Variants in COL16A1 observed in about 807,000 individuals in gnomAD.
The protein encoded by COL16A1 is collagen alpha-1(XVI) chain.
Under a neutral mutation model 266.3 loss-of-function variants are expected in COL16A1, and 189 were observed. The observed-to-expected ratio is 0.71, with a 90% CI of 0.63 to 0.80. The LOEUF (loss-of-function observed/expected upper bound fraction) is 0.80, where lower values mean the gene tolerates loss of function less well. Ranked by LOEUF, COL16A1 falls within the 30% of genes least tolerant of loss-of-function variation. COL16A1 has a pLI of 0.00. For missense variants in COL16A1, 1,928 were observed against 2,122.4 expected (o/e 0.91, Z 1.80); for synonymous variants, 740 against 782.3 (o/e 0.95, Z 0.90).
At chr1:31,671,783 A>C in intron 47 of COL16A1, 124 bp from the exon 48 acceptor site, 1 of 1,119,890 alleles carries the variant, frequency 8.9e-7, no homozygotes, top group Non-Finnish European at 1.3e-6. Context: ...CTGTCCAAGC[A>C]GGACCACTTA....
In COL16A1 at chr1:31,698,325, G is replaced by C. The variant is rs1202197609; in HGVS notation, c.391-153C>G. Among the ~76,000 whole-genome samples the C allele has an allele frequency of 6.6e-6, 1 of 152,192 alleles. No homozygotes were observed. Among genetic ancestry groups the C allele is most frequent in the Non-Finnish European group, 1.5e-5 (1 of 68,020 alleles). On this transcript the variant is annotated intron_variant, in intron 5 of 70. Transcript: ENST00000373672. This position sits in a 1 kb window ranked among gnomAD's most constrained non-coding sequence, Gnocchi z 4.1. Reference sequence around the variant, plus strand: ...CTGGGGTCAAGGAGCTATACATCCTGAAAGAATGAGGTAGGTACTGGTGGG... The same window carrying C: ...CTGGGGTCAAGGAGCTATACATCCTCAAAGAATGAGGTAGGTACTGGTGGG...
rs764467913 is a variant in COL16A1 at position 31,696,988 on chromosome 1, C to T, written c.839G>A (p.Cys280Tyr). Residue 280 changes from cysteine to tyrosine, a missense_variant, in exon 8 of 71, where the codon TGC becomes TAC. Cys to Tyr is a radical substitution (Grantham distance 194). This residue lies in a region of COL16A1 where 1,552 missense variants were observed against 1,637.2 expected (regional missense o/e 0.95). Coordinates refer to ENST00000373672, the MANE Select transcript of COL16A1 (RefSeq NM_001856.4). ...CTCGCTGTTTTGAGGCTCCTCCAGGCAGAAGCAGCGGGTGTAGACCTTGCC... is the reference window on the plus strand; with the variant it reads ...CTCGCTGTTTTGAGGCTCCTCCAGGTAGAAGCAGCGGGTGTAGACCTTGCC... ...SEGKVYTRCF[C>Y]LEEPQNSEVD... 2 of 1,614,026 alleles carry T rather than the reference C, an allele frequency of 1.2e-6. No individual in the cohort carries two copies. Among genetic ancestry groups the T allele is most frequent in the African/African-American group, 2.7e-5 (2 of 74,954 alleles).
intron 62 of COL16A1, chr1:31,659,528 C>A: frequency 6.3e-6 from 1 of 159,086 alleles, no homozygotes; most frequent in South Asian, 1.8e-4. Context: ...ATGCCCTTCC[C>A]TAGCTCTGAT....
chr1:31,676,248 C>G (rs1643172942), intron 42 of COL16A1, among the ~76,000 whole-genome samples: 1 of 151,190 alleles, frequency 6.6e-6, no homozygotes, highest in Non-Finnish European at 1.5e-5. Context: ...TCACTTGAAC[C>G]TGGGAGATGG....
At chr1:31,673,262 C>G (rs181857052) in intron 44 of COL16A1, 215 of 281,284 alleles carry the variant, frequency 7.6e-4, no homozygotes, top group Non-Finnish European at 1.3e-3. Flanking sequence ...GCGGGAGGAG[C>G]CAGGCCCTTC....
At position 31,685,970 on chromosome 1, in the gene COL16A1, A is replaced by G; in HGVS notation, c.1884+121T>C. 4.7e-6 allele frequency: 7 copies of G among 1,505,350 alleles called. No homozygotes were observed. The highest frequency in any genetic ancestry group is 6.3e-6 in the Non-Finnish European group (7 of 1,109,040). 93.2% of individuals were successfully genotyped at this position (1,505,350 alleles called of 1,614,324 possible). On this transcript the variant is annotated intron_variant, in intron 28 of 70. Coordinates refer to ENST00000373672, the MANE Select transcript of COL16A1 (RefSeq NM_001856.4). The surrounding 1 kb of genome is among the most constrained non-coding windows in gnomAD (Gnocchi z 4.0). ...TCATCAGGGGTCTCCATGCCTTGCT[A>G]AGGAGTCAGACTCTGCCCGACAGAC...
Position 31,689,044 on chromosome 1 carries a change from C to T in COL16A1, c.1656+6G>A, listed in dbSNP as rs1644130568. 1.9e-6 allele frequency: 3 copies of T among 1,613,754 alleles called. No individual in the cohort carries two copies. The highest frequency in any genetic ancestry group is 1.7e-5 in the Admixed American group (1 of 59,998). On this transcript the variant is annotated splice_donor_region_variant and intron_variant, in intron 24 of 70. Transcript: ENST00000373672. Reference sequence around the variant, plus strand: ...GAGGGCAGCCAGGAGAGCAGGGTTCCCTCACCTTCTCTCCTTTGATGCCTT... The same window carrying T: ...GAGGGCAGCCAGGAGAGCAGGGTTCTCTCACCTTCTCTCCTTTGATGCCTT...
At position 31,664,959 on chromosome 1, in the gene COL16A1, G is replaced by A. The variant is rs1335573758; in HGVS notation, c.3555+213C>T. Among the ~76,000 whole-genome samples, 1 of 152,160 alleles carries A rather than the reference G, an allele frequency of 6.6e-6. No homozygotes were observed. Among genetic ancestry groups the A allele is most frequent in the African/African-American group, 2.4e-5 (1 of 41,440 alleles). The stretch of plus-strand genomic sequence containing the variant: ...TGCACAGAGGCCGCAGGCATCCTGG[G>A]CCAAGCAGACATCCCGAGGAGCCCA... On this transcript the variant is annotated intron_variant, in intron 56 of 70. Coordinates refer to ENST00000373672, the MANE Select transcript of COL16A1 (RefSeq NM_001856.4). The surrounding 1 kb of genome is among the most constrained non-coding windows in gnomAD (Gnocchi z 5.5).
intron 20 of COL16A1, among the ~76,000 whole-genome samples, chr1:31,690,933 T>C (rs547740049): frequency 2.6e-5 from 4 of 152,284 alleles, no homozygotes; most frequent in Non-Finnish European, 5.9e-5. Context: ...CTTTGATCTT[T>C]ACAACACTTA....
Position 31,652,577 on chromosome 1 carries a change from C to T in COL16A1, c.*74G>A, listed in dbSNP as rs1321980062. ...ACAACAACAAAAAAAACATTCACAA[C>T]CTGTCACAGAGTCCTATAAGCTTTG... is the stretch of plus-strand genomic sequence containing the variant. On this transcript the variant is annotated 3_prime_UTR_variant, in exon 71 of 71. Transcript: ENST00000373672. This position sits in a 1 kb window ranked among gnomAD's most constrained non-coding sequence, Gnocchi z 4.8. 6 of 1,361,274 alleles carry T rather than the reference C, an allele frequency of 4.4e-6. No individual in the cohort carries two copies. The highest frequency in any genetic ancestry group is 5.8e-6 in the Non-Finnish European group (6 of 1,039,768). 84.3% of individuals were successfully genotyped at this position (1,361,274 alleles called of 1,614,324 possible).
intron 11 of COL16A1, 22 bp from the exon 12 acceptor site, chr1:31,694,192 C>A: frequency 6.4e-7 from 1 of 1,572,788 alleles, no homozygotes. Context: ...GAGGAGAGGG[C>A]ATCACACTTC....
intron 42 of COL16A1, 83 bp from the exon 43 acceptor site, chr1:31,675,394 C>T: frequency 6.5e-7 from 1 of 1,550,114 alleles, no homozygotes; most frequent in Non-Finnish European, 8.8e-7. Context: ...TCATCCCCGC[C>T]TCCTCTTCCC....
At chr1:31,690,474 C>A in intron 21 of COL16A1, 55 bp downstream of exon 21, 1 of 1,614,186 alleles carries the variant, frequency 6.2e-7, no homozygotes, top group Non-Finnish European at 8.5e-7. Flanking sequence ...CCTAGCCCCT[C>A]CCTCCAGAGG....
At chr1:31,681,734 G>A (rs1482111112) in intron 37 of COL16A1, among the ~76,000 whole-genome samples, 5 of 152,234 alleles carry the variant, frequency 3.3e-5, no homozygotes, top group Non-Finnish European at 5.9e-5. Context: ...GCAGAGGCTC[G>A]TAGCTCTGTG....
chr1:31,687,971 G>A (rs572853653), intron 26 of COL16A1, among the ~76,000 whole-genome samples: 27 of 152,310 alleles, frequency 1.8e-4, no homozygotes, highest in South Asian at 1.7e-3. Flanking sequence ...ACCCACAGGC[G>A]TAGTGAAGAT....
intron 40 of COL16A1, 84 bp downstream of exon 40, chr1:31,679,958 G>A (rs1643496810): frequency 1.3e-5 from 20 of 1,583,400 alleles, no homozygotes; most frequent in South Asian, 6.8e-5. Flanking sequence ...GTGGCCCTGC[G>A]GGGCCTTTGC....
chr1:31,672,608 G>A lies in COL16A1; in HGVS notation c.3006C>T (p.Ala1002=). 1.9e-6 allele frequency: 3 copies of A among 1,605,508 alleles called. No homozygotes were observed. The highest frequency in any genetic ancestry group is 2.6e-6 in the Non-Finnish European group (3 of 1,174,720). Residue 1002 remains alanine (A), a synonymous_variant, in exon 46 of 71, where the codon GCC becomes GCT. Coordinates refer to ENST00000373672, the MANE Select transcript of COL16A1 (RefSeq NM_001856.4). ...GCGAGGCACTCACCCGGGCCTCCTC[G>A]GCTCTTGGGCGCTCCAGTGACAAAA... ...QCFLSLERPR[A]EEARGDNSEG...
intron 33 of COL16A1, 85 bp downstream of exon 33, chr1:31,683,865 T>G: frequency 4.4e-6 from 7 of 1,606,640 alleles, no homozygotes; most frequent in Non-Finnish European, 5.9e-6. Flanking sequence ...CATTTCCCAC[T>G]CCAGGCCCAC....
rs768413629 is a variant in COL16A1 at position 31,702,178 on chromosome 1, C to T, written c.16G>A (p.Ala6Thr). Residue 6 changes from alanine to threonine, a missense_variant, in exon 2 of 71, where the codon GCT becomes ACT. Ala to Thr is a moderately conservative substitution (Grantham distance 58). Transcript: ENST00000373672. Reference protein sequence around the residue: MWVSWAPGLWLLGLWA... With the variant: MWVSWTPGLWLLGLWA... ...AGACCGAGCAGCCACAGGCCAGGAGCCCAGGATACCCACATCCCGGTCCAA... is the reference window on the plus strand; with the variant it reads ...AGACCGAGCAGCCACAGGCCAGGAGTCCAGGATACCCACATCCCGGTCCAA... 1 of 1,614,152 alleles carries T rather than the reference C, an allele frequency of 6.2e-7. No homozygotes were observed. The highest frequency in any genetic ancestry group is 8.5e-7 in the Non-Finnish European group (1 of 1,180,008).
Sources: allele counts gnomAD v4.1 joint callset (sites outside exome capture counted in the v4.1 genomes callset), GRCh38; gene constraint gnomAD v4.1.1; regional missense constraint gnomAD v4.1.1; non-coding constraint Gnocchi (gnomAD v3.1); transcripts MANE v1.5; gene names NCBI Gene and HGNC (gene_info 2026-07-23, HGNC 2026-07-21).